Variants in CCDC149 observed in about 807,000 individuals in gnomAD.
CCDC149 encodes coiled-coil domain containing 149.
A neutral mutation model predicts 59.9 loss-of-function variants in CCDC149; 45 were observed. The ratio of observed to expected loss-of-function variants is 0.75; its 90% CI spans 0.59 to 0.96. The LOEUF (loss-of-function observed/expected upper bound fraction) is 0.96. Ranked by LOEUF, CCDC149 falls within the 40% of genes least tolerant of loss-of-function variation. CCDC149 has a pLI of 0.00. For missense variants in CCDC149, 584 were observed against 664.7 expected (o/e 0.88, Z 1.33); for synonymous variants, 245 against 260.6 (o/e 0.94, Z 0.58).
chr4:24,905,496 C>T (rs574218262), intron 1 of CCDC149, among the ~76,000 whole-genome samples: 2 of 150,140 alleles, frequency 1.3e-5, no homozygotes, highest in African/African-American at 2.5e-5. Flanking sequence ...AGTTCAGTGG[C>T]GTGATCTCTG....
intron 8 of CCDC149, among the ~76,000 whole-genome samples, chr4:24,834,225 A>G (rs1030378165): frequency 1.3e-5 from 2 of 152,168 alleles, no homozygotes; most frequent in Non-Finnish European, 2.9e-5. Flanking sequence ...GCCATATGAT[A>G]GTTGCTGGTC....
intron 1 of CCDC149, among the ~76,000 whole-genome samples, chr4:24,894,101 A>G (rs1242619170): frequency 6.6e-6 from 1 of 152,174 alleles, no homozygotes; most frequent in African/African-American, 2.4e-5. Flanking sequence ...ATGTCTACTT[A>G]TCTTTTAGCT....
intron 1 of CCDC149, among the ~76,000 whole-genome samples, chr4:24,953,653 A>G (rs914017844): frequency 6.6e-6 from 1 of 152,212 alleles, no homozygotes; most frequent in Non-Finnish European, 1.5e-5. Context: ...CAAAGCATGC[A>G]AAGTATGGCC....
chr4:24,900,032 G>C (rs937149489), intron 1 of CCDC149, among the ~76,000 whole-genome samples: 1 of 152,084 alleles, frequency 6.6e-6, no homozygotes, highest in Admixed American at 6.5e-5. Context: ...CCTGGCCCAG[G>C]TGCCACCTCC....
chr4:24,821,411 G>A (rs982139860), intron 10 of CCDC149, among the ~76,000 whole-genome samples: 2 of 152,174 alleles, frequency 1.3e-5, no homozygotes, highest in Non-Finnish European at 2.9e-5. Context: ...AGCATCAAAA[G>A]ATTCTTGTGC....
chr4:24,848,762 T>G (rs1275722108), intron 4 of CCDC149, among the ~76,000 whole-genome samples: 1 of 152,088 alleles, frequency 6.6e-6, no homozygotes, highest in Non-Finnish European at 1.5e-5. Flanking sequence ...GAACCAATCT[T>G]CTATCCATGA....
rs35214498 is a variant in CCDC149, at chr4:24,877,175, CTGTTTGTTTGTT to C, written c.64-490_64-479del. ...AGAGTAAACCTATATGGTTTTTTGT[CTGTTTGTTTGTT>C]TGTTTGTTTGTTTTTTGAGACGGAG... is the stretch of plus-strand genomic sequence containing the variant. On this transcript the variant is annotated intron_variant, in intron 1 of 12. Transcript: ENST00000635206. Among the ~76,000 whole-genome samples the C allele has an allele frequency of 1.2e-4, 18 of 151,070 alleles. No homozygotes were observed. In the South Asian group the frequency reaches 2.7e-3, roughly 23 times the overall value.
At position 24,871,377 on chromosome 4, in the gene CCDC149, G is replaced by A. The variant is rs542750691; in HGVS notation, c.264+2304C>T. Reference sequence around the variant, plus strand: ...ACAAGCAGGATGCTGGGTTAGCCACGACAGCTGGGAAGAGAGCAAATCATT... The same window carrying A: ...ACAAGCAGGATGCTGGGTTAGCCACAACAGCTGGGAAGAGAGCAAATCATT... On this transcript the variant is annotated intron_variant, in intron 3 of 12. Coordinates refer to ENST00000635206, the MANE Select transcript of CCDC149 (RefSeq NM_001330643.2). Among the ~76,000 whole-genome samples, 214 of 152,312 alleles carry A rather than the reference G, an allele frequency of 1.4e-3. 1 individual carries two copies. Among genetic ancestry groups the A allele is most frequent in the African/African-American group, 4.4e-3 (184 of 41,568 alleles).
chr4:24,841,905 G>T (rs1351418809), intron 4 of CCDC149, among the ~76,000 whole-genome samples: 1 of 152,214 alleles, frequency 6.6e-6, no homozygotes, highest in African/African-American at 2.4e-5. Flanking sequence ...GAGGAGGAAA[G>T]AGAGGATGAG....
At chr4:24,843,977 T>C (rs1717100064) in intron 4 of CCDC149, among the ~76,000 whole-genome samples, 1 of 152,172 alleles carries the variant, frequency 6.6e-6, no homozygotes, top group African/African-American at 2.4e-5. Context: ...TTGCACTTCC[T>C]CTGCCTTTGG....
rs377635432 is a variant in CCDC149, at chr4:24,971,451, C to T, written c.-65+8618G>A. ...GCAGGTTAGGAGTGCAGGTGCACAA[C>T]CCTGCACATTATGCAACCTTGCCAC... is the stretch of plus-strand genomic sequence containing the variant. On this transcript the variant is annotated intron_variant, in intron 1 of 12. Coordinates refer to the CCDC149 transcript ENST00000389609. 7.2e-5 allele frequency among the ~76,000 whole-genome samples: 11 copies of T among 152,336 alleles called. No homozygotes were observed. The South Asian group carries it at 2.3e-3, about 32-fold the overall frequency.
rs565039915 is a variant in CCDC149, at chr4:24,840,599, G to A, written c.373-2327C>T. Among the ~76,000 whole-genome samples the A allele has an allele frequency of 5.9e-5, 9 of 152,170 alleles. No individual in the cohort carries two copies. The South Asian group carries it at 1.0e-3, about 18-fold the overall frequency. On this transcript the variant is annotated intron_variant, in intron 4 of 12. Transcript: ENST00000635206. ...ATGTCCTTTTCATGATCTAGTGAGCGTCCCACATTTGTCACATTTTTGTGC... is the reference window on the plus strand; with the variant it reads ...ATGTCCTTTTCATGATCTAGTGAGCATCCCACATTTGTCACATTTTTGTGC...
At chr4:24,868,917 T>C (rs1718858117) in intron 3 of CCDC149, among the ~76,000 whole-genome samples, 2 of 152,202 alleles carry the variant, frequency 1.3e-5, no homozygotes. Flanking sequence ...CTATATGCTT[T>C]AATTTTCTCC....
chr4:24,976,785 G>A (rs1273559775), intron 1 of CCDC149, among the ~76,000 whole-genome samples: 1 of 152,134 alleles, frequency 6.6e-6, no homozygotes, highest in Non-Finnish European at 1.5e-5. Flanking sequence ...CTTTCTGAAG[G>A]ATGTTCCCAG....
intron 9 of CCDC149, chr4:24,831,118 T>C (rs543870981): frequency 6.3e-6 from 1 of 158,854 alleles, no homozygotes; most frequent in South Asian, 2.0e-4. Flanking sequence ...GGGTGATTTC[T>C]GCCATTAAAA....
At chr4:24,842,710 GC>G (rs1717013498) in intron 4 of CCDC149, among the ~76,000 whole-genome samples, 1 of 152,174 alleles carries the variant, frequency 6.6e-6, no homozygotes, top group Non-Finnish European at 1.5e-5. Context: ...TGGGTGTCCT[GC>G]CCCCAACTCT....
intron 3 of CCDC149, among the ~76,000 whole-genome samples, chr4:24,859,280 T>A (rs970019642): frequency 6.6e-6 from 1 of 152,140 alleles, no homozygotes; most frequent in Non-Finnish European, 1.5e-5. Flanking sequence ...CTGAGCATAT[T>A]TGAGGTAGGC....
At position 24,958,722 on chromosome 4, in the gene CCDC149, C is replaced by A. The variant is rs144285474; in HGVS notation, c.-65+21347G>T. Among the ~76,000 whole-genome samples, 60 of 152,118 alleles carry A rather than the reference C, an allele frequency of 3.9e-4. 1 individual carries two copies. The East Asian group carries it at 9.3e-3, about 24-fold the overall frequency. Reference sequence around the variant, plus strand: ...ATCAAGGCATAGCTATAGAAAGTATCCAAAATGAAAAACAGAGAAGAAAAA... The same window carrying A: ...ATCAAGGCATAGCTATAGAAAGTATACAAAATGAAAAACAGAGAAGAAAAA... On this transcript the variant is annotated intron_variant, in intron 1 of 12. Transcript: ENST00000389609.
At chr4:24,884,314 T>C (rs1354099437) in intron 1 of CCDC149, among the ~76,000 whole-genome samples, 1 of 152,238 alleles carries the variant, frequency 6.6e-6, no homozygotes, top group Non-Finnish European at 1.5e-5. Context: ...AGGCATATGC[T>C]GTACAGGTTT....
Sources: gnomAD v4.1 joint callset for allele counts (sites outside exome capture counted in the v4.1 genomes callset) on GRCh38, gnomAD v4.1.1 for gene constraint, MANE v1.5 for transcripts, NCBI Gene and HGNC (gene_info 2026-07-23, HGNC 2026-07-21) for gene names.